Variants in CCDC171 observed in about 807,000 individuals in gnomAD.
The protein encoded by CCDC171 is coiled-coil domain-containing protein 171.
In CCDC171, 177 loss-of-function variants were observed where a neutral mutation model predicts 168.2. The observed-to-expected ratio is 1.05, with a 90% CI of 0.93 to 1.19. The LOEUF (loss-of-function observed/expected upper bound fraction) is 1.19, where lower values mean the gene tolerates loss of function less well. Ranked by LOEUF, CCDC171 falls within the 50% of genes most tolerant of loss-of-function variation. The pLI, the probability that CCDC171 is intolerant of heterozygous loss-of-function variation, is 0.00. For synonymous variants in CCDC171, 687 were observed against 540.8 expected, an observed-to-expected ratio of 1.27 and a Z score of -3.75; for missense variants, 1,991 against 1,539.0, an observed-to-expected ratio of 1.29 and a Z score of -4.91.
chr9:15,806,804 T>C (rs932409220), intron 21 of CCDC171, among the ~76,000 whole-genome samples: 14 of 152,212 alleles, frequency 9.2e-5, no homozygotes, highest in Admixed American at 8.5e-4. Flanking sequence ...ATTGACAATA[T>C]CTTGAAATAT....
intron 18 of CCDC171, among the ~76,000 whole-genome samples, chr9:15,761,884 A>G (rs1588352393): frequency 1.6e-5 from 1 of 63,598 alleles, no homozygotes; most frequent in Non-Finnish European, 5.1e-5. Context: ...AGAAAAGTCA[A>G]AAGAGTTTTA....
chr9:16,018,741 T>A (rs1833092464), intron 3 of CCDC171, among the ~76,000 whole-genome samples: 1 of 152,120 alleles, frequency 6.6e-6, no homozygotes, highest in African/African-American at 2.4e-5. Flanking sequence ...GATAACTGAG[T>A]CTACTTTTTT....
At chr9:16,044,532 AT>A (rs34154704) in intron 1 of CCDC171, among the ~76,000 whole-genome samples, 59,933 of 145,408 alleles carry the variant, frequency 0.41, 13,182 homozygotes, top group East Asian at 0.72. Context: ...CTATTTAATA[AT>A]TTTTTTTTTT....
In CCDC171 at chr9:15,856,509, T is replaced by C. The variant is rs538068383; in HGVS notation, c.3468+7562T>C. Among the ~76,000 whole-genome samples, 26 of 152,148 alleles carry C rather than the reference T, an allele frequency of 1.7e-4. 3 individuals are homozygous for C. The highest frequency in any genetic ancestry group is 5.8e-4 in the African/African-American group (24 of 41,538). ...ATCCATTTTGTTGTATTTCATAAGA[T>C]TTCCTTCTTTTAAAAGGCTGATTAT... On this transcript the variant is annotated intron_variant, in intron 23 of 25. Coordinates refer to ENST00000380701, the MANE Select transcript of CCDC171 (RefSeq NM_173550.4).
intron 21 of CCDC171, among the ~76,000 whole-genome samples, chr9:15,831,771 A>C (rs1186712129): frequency 6.6e-6 from 1 of 152,124 alleles, no homozygotes; most frequent in Non-Finnish European, 1.5e-5. Context: ...CAAAGTAACT[A>C]CTTTACCTTG....
At chr9:15,589,573 T>A (rs977182764) in intron 4 of CCDC171, among the ~76,000 whole-genome samples, 5 of 152,242 alleles carry the variant, frequency 3.3e-5, no homozygotes, top group African/African-American at 7.2e-5. Context: ...GGGTTTATAG[T>A]GGCTTTCTGA....
At chr9:15,849,153 A>G (rs188227531) in intron 23 of CCDC171, among the ~76,000 whole-genome samples, 6 of 151,860 alleles carry the variant, frequency 4.0e-5, no homozygotes, top group African/African-American at 7.2e-5. Context: ...CTATAAAACT[A>G]TGAAAATAGT....
At chr9:15,791,879 C>A (rs2058287415) in intron 21 of CCDC171, among the ~76,000 whole-genome samples, 1 of 152,158 alleles carries the variant, frequency 6.6e-6, no homozygotes, top group African/African-American at 2.4e-5. Context: ...AGGGAAAAAA[C>A]AGAGCAGAAA....
intron 3 of CCDC171, among the ~76,000 whole-genome samples, chr9:15,991,225 T>C (rs1832186744): frequency 6.6e-6 from 1 of 151,952 alleles, no homozygotes; most frequent in African/African-American, 2.4e-5. Context: ...TAACAAAAAT[T>C]ATAAACTCAG....
intron 6 of CCDC171, among the ~76,000 whole-genome samples, chr9:15,599,169 G>A (rs541290886): frequency 6.6e-6 from 1 of 152,138 alleles, no homozygotes; most frequent in African/African-American, 2.4e-5. Context: ...ACGTTGTTAT[G>A]TGTGAATTTG....
chr9:15,579,153 C>A, intron 4 of CCDC171, 130 bp downstream of exon 4: 1 of 660,854 alleles, frequency 1.5e-6, no homozygotes, highest in Non-Finnish European at 2.4e-6. Flanking sequence ...TTTTGATGTA[C>A]AGACTTAGCT....
intron 7 of CCDC171, among the ~76,000 whole-genome samples, chr9:15,645,383 A>G (rs1201929510): frequency 1.3e-5 from 2 of 152,232 alleles, no homozygotes; most frequent in Non-Finnish European, 2.9e-5. Context: ...ACAAAGCTGG[A>G]CAGAGAATGA....
the CCDC171 span, among the ~76,000 whole-genome samples, chr9:16,086,667 C>A: frequency 2.6e-5 from 4 of 152,112 alleles, no homozygotes; most frequent in Admixed American, 2.0e-4. Context: ...AAAAACAGCT[C>A]CTAGATTCAT....
chr9:15,884,804 A>G (rs1055490473), intron 24 of CCDC171, among the ~76,000 whole-genome samples: 1 of 152,212 alleles, frequency 6.6e-6, no homozygotes, highest in Admixed American at 6.5e-5. Context: ...TGATTTTCAC[A>G]TTAAAAAATG....
chr9:15,727,782 A>C (rs1223306058), intron 14 of CCDC171, 87 bp from the exon 15 acceptor site: 1 of 1,008,702 alleles, frequency 9.9e-7, no homozygotes, highest in East Asian at 2.8e-5. Flanking sequence ...AGGTTTTTTA[A>C]ATTAACTCTT....
At chr9:15,788,543 A>G (rs2058085885) in intron 21 of CCDC171, among the ~76,000 whole-genome samples, 1 of 151,924 alleles carries the variant, frequency 6.6e-6, no homozygotes, top group African/African-American at 2.4e-5. Flanking sequence ...ATCTGAAAGC[A>G]ATCACTTAAC....
intron 16 of CCDC171, among the ~76,000 whole-genome samples, chr9:15,742,228 A>G (rs2054926812): frequency 6.6e-6 from 1 of 152,126 alleles, no homozygotes; most frequent in Non-Finnish European, 1.5e-5. Flanking sequence ...TGATTCTCAC[A>G]TCCCTTTACT....
rs1295890328 is a variant in CCDC171, at chr9:15,972,945, T to C, written c.*1109T>C. On this transcript the variant is annotated 3_prime_UTR_variant, in exon 26 of 26. Transcript: ENST00000380701. ...GAGCTGAGTTCTAACCACAAAGAGGTTTCTGGTAACTTACTTGACAAGCTT... is the reference window on the plus strand; with the variant it reads ...GAGCTGAGTTCTAACCACAAAGAGGCTTCTGGTAACTTACTTGACAAGCTT... 1 of 151,872 alleles carries C rather than the reference T, an allele frequency of 6.6e-6. No homozygotes were observed. The highest frequency in any genetic ancestry group is 1.5e-5 in the Non-Finnish European group (1 of 67,994). The allele number at this position is 151,872 out of a possible 1,614,324, so 9.4% of individuals were successfully genotyped here. A position where few individuals can be genotyped will look rare whatever the true frequency, so the allele number is the denominator to read the frequency against.
chr9:15,661,296 A>AAAC (rs1554742204), intron 8 of CCDC171, among the ~76,000 whole-genome samples: 58,345 of 140,226 alleles, frequency 0.42, 13,307 homozygotes, highest in Non-Finnish European at 0.47. Flanking sequence ...AAAAAAAAAA[A>AAAC]AAAAGTAACA....
Sources: gnomAD v4.1 joint callset for allele counts (sites outside exome capture counted in the v4.1 genomes callset) on GRCh38, gnomAD v4.1.1 for gene constraint, MANE v1.5 for transcripts, NCBI Gene and HGNC (gene_info 2026-07-23, HGNC 2026-07-21) for gene names.